Variants in AXIN1 observed in about 807,000 individuals in gnomAD.
AXIN1 encodes axin-1.
A neutral mutation model predicts 76.4 loss-of-function variants in AXIN1; 30 were observed. The observed-to-expected ratio is 0.39, with a 90% confidence interval of 0.29 to 0.53. The LOEUF is 0.53. AXIN1 is among the 20% of genes least tolerant of loss of function. The pLI is 0.66. For missense variants in AXIN1, 1,140 were observed against 1,198.8 expected, an observed-to-expected ratio of 0.95 and a Z score of 0.72; for synonymous variants, 545 against 501.4, an observed-to-expected ratio of 1.09 and a Z score of -1.16.
At chr16:291,738 C>T (rs1389094098) in intron 8 of AXIN1, 8 of 303,928 alleles carry the variant, frequency 2.6e-5, no homozygotes, top group East Asian at 1.9e-4. Context: ...GGCCCCCCGG[C>T]GCCACAACTG....
chr16:315,476 ATTTTTC>A (rs1451914805), intron 2 of AXIN1, among the ~76,000 whole-genome samples: 2 of 152,138 alleles, frequency 1.3e-5, no homozygotes, highest in African/African-American at 4.8e-5. Context: ...CCTAAATGTC[ATTTTTC>A]TTTTTAACAT....
intron 2 of AXIN1, among the ~76,000 whole-genome samples, chr16:315,448 C>T (rs1362627308): frequency 9.2e-5 from 14 of 152,108 alleles, no homozygotes; most frequent in Non-Finnish European, 2.9e-5. Flanking sequence ...TGGTTATATA[C>T]GCAAAAAACA....
chr16:320,714 C>T (rs1423212414), intron 2 of AXIN1, among the ~76,000 whole-genome samples: 8 of 132,538 alleles, frequency 6.0e-5, no homozygotes, highest in East Asian at 4.1e-4. Context: ...TACGTATATG[C>T]GTGTGTGTGT....
chr16:309,506 A>G (rs1464650079), intron 4 of AXIN1, among the ~76,000 whole-genome samples: 1 of 152,154 alleles, frequency 6.6e-6, no homozygotes, highest in Non-Finnish European at 1.5e-5. Context: ...CAAAGGTGCC[A>G]TTATTCTATG....
chr16:316,562 T>C (rs954241613), intron 2 of AXIN1, among the ~76,000 whole-genome samples: 1 of 152,238 alleles, frequency 6.6e-6, no homozygotes, highest in Admixed American at 6.5e-5. Context: ...TTTCAGTTAC[T>C]TGCGTTCAGC....
In AXIN1 at chr16:288,329, C is replaced by G. The variant is rs537261569; in HGVS notation, c.2463-81G>C. The G allele has an allele frequency of 1.9e-6, 3 of 1,571,382 alleles. No individual in the cohort carries two copies. The Admixed American group carries it at 5.2e-5, about 27-fold the overall frequency. Reference sequence around the variant, plus strand: ...GGCCTGTGGCAGGGGACGGCGTGTCCACACCCCATCCCGAGGAGCCTCCTG... The same window carrying G: ...GGCCTGTGGCAGGGGACGGCGTGTCGACACCCCATCCCGAGGAGCCTCCTG... On this transcript the variant is annotated intron_variant, in intron 10 of 10. Transcript: ENST00000262320.
intron 4 of AXIN1, among the ~76,000 whole-genome samples, chr16:305,940 C>A (rs550799872): frequency 6.6e-6 from 1 of 152,218 alleles, no homozygotes; most frequent in African/African-American, 2.4e-5. Context: ...CTGGGATTAC[C>A]GGTGTGAGCC....
intron 2 of AXIN1, among the ~76,000 whole-genome samples, chr16:342,619 C>T (rs544234027): frequency 6.6e-6 from 1 of 152,356 alleles, no homozygotes; most frequent in South Asian, 2.1e-4. Flanking sequence ...AGTGACCCTG[C>T]TGCACAGCCC....
intron 1 of AXIN1, among the ~76,000 whole-genome samples, chr16:351,175 C>G (rs1042969298): frequency 2.0e-5 from 3 of 151,040 alleles, no homozygotes; most frequent in African/African-American, 7.3e-5. Context: ...CTGAGTATCT[C>G]GGGTAGCCGG....
chr16:311,562 G>C (rs1227615044), intron 3 of AXIN1, among the ~76,000 whole-genome samples: 1 of 151,444 alleles, frequency 6.6e-6, no homozygotes, highest in Non-Finnish European at 1.5e-5. Context: ...ACGAGGTCAG[G>C]AGATCGAGAC....
intron 7 of AXIN1, among the ~76,000 whole-genome samples, chr16:294,755 CAAAAAAAAA>C (rs1015576394): frequency 1.6e-4 from 4 of 24,762 alleles, no homozygotes; most frequent in African/African-American, 3.4e-4. Flanking sequence ...AACCCCATCT[CAAAAAAAAA>C]AAAAAAAAAA....
intron 2 of AXIN1, among the ~76,000 whole-genome samples, chr16:343,831 C>T (rs1183583230): frequency 2.0e-5 from 3 of 151,414 alleles, no homozygotes; most frequent in Admixed American, 1.3e-4. Flanking sequence ...CGTGGCGAAA[C>T]GCTGTCTCTA....
intron 4 of AXIN1, among the ~76,000 whole-genome samples, chr16:307,782 C>A (rs2053066544): frequency 1.3e-5 from 2 of 152,246 alleles, no homozygotes; most frequent in Non-Finnish European, 2.9e-5. Flanking sequence ...AGGCCCTCAA[C>A]AGAGCAGAAG....
At chr16:328,645 G>A (rs940240615) in intron 2 of AXIN1, among the ~76,000 whole-genome samples, 9 of 152,000 alleles carry the variant, frequency 5.9e-5, no homozygotes, top group Admixed American at 2.0e-4. Context: ...GCAGTGAGCC[G>A]AGACCACACC....
intron 2 of AXIN1, among the ~76,000 whole-genome samples, chr16:339,734 A>T (rs1260103031): frequency 1.3e-5 from 2 of 151,954 alleles, no homozygotes; most frequent in Non-Finnish European, 2.9e-5. Flanking sequence ...CAAATACCCC[A>T]AAGGAGACTA....
chr16:330,078 T>TGA (rs2053664522), intron 2 of AXIN1, among the ~76,000 whole-genome samples: 1 of 149,672 alleles, frequency 6.7e-6, no homozygotes, highest in Non-Finnish European at 1.5e-5. Flanking sequence ...TTTTTTTTTT[T>TGA]GAGAGAGGGT....
intron 2 of AXIN1, among the ~76,000 whole-genome samples, chr16:341,570 A>C (rs1216889581): frequency 6.6e-6 from 1 of 152,204 alleles, no homozygotes; most frequent in African/African-American, 2.4e-5. Flanking sequence ...TCCTGTGCGG[A>C]CCGAGTCTCC....
chr16:301,291 G>GT (rs1491244872), intron 5 of AXIN1, among the ~76,000 whole-genome samples: 1 of 101,958 alleles, frequency 9.8e-6, no homozygotes. Flanking sequence ...ACAAAACAAA[G>GT]CAAAAAAAAA....
chr16:314,435 G>A, intron 3 of AXIN1, 108 bp downstream of exon 3: 1 of 1,536,624 alleles, frequency 6.5e-7, no homozygotes, highest in Non-Finnish European at 8.9e-7. Flanking sequence ...AAGAAACAGG[G>A]TGTCTGGGGC....
Sources: allele counts gnomAD v4.1 joint callset (sites outside exome capture counted in the v4.1 genomes callset), GRCh38; gene constraint gnomAD v4.1.1; transcripts MANE v1.5; gene names NCBI Gene and HGNC (gene_info 2026-07-23, HGNC 2026-07-21).